PDE1A: variants seen among roughly 807,000 people sequenced by gnomAD.
PDE1A encodes the protein dual specificity calcium/calmodulin-dependent 3',5'-cyclic nucleotide phosphodiesterase 1A.
PDE1A carries 35 observed loss-of-function variants against 61.7 expected under a neutral mutation model. That is an observed-to-expected ratio of 0.57 (90% CI 0.43 to 0.75). The LOEUF is 0.75. Ranked by LOEUF, PDE1A falls within the 30% of genes least tolerant of loss-of-function variation. The pLI, the probability that PDE1A is intolerant of heterozygous loss-of-function variation, is 0.00. For synonymous variants in PDE1A, 232 were observed against 213.2 expected (o/e 1.09, Z -0.77); for missense variants, 597 against 630.6 (o/e 0.95, Z 0.57).
the PDE1A span, among the ~76,000 whole-genome samples, chr2:182,712,928 T>C: frequency 2.0e-5 from 3 of 152,266 alleles, no homozygotes. Context: ...GGCTTCCCAT[T>C]GCTCATAGGA....
the PDE1A span, among the ~76,000 whole-genome samples, chr2:182,673,879 A>G: frequency 6.6e-6 from 1 of 151,680 alleles, no homozygotes; most frequent in East Asian, 1.9e-4. Flanking sequence ...GATCACCCTA[A>G]AAAGTGGTCA....
intron 6 of PDE1A, among the ~76,000 whole-genome samples, chr2:182,225,849 T>C (rs1689099394): frequency 6.7e-6 from 1 of 149,962 alleles, no homozygotes; most frequent in Admixed American, 6.6e-5. Context: ...GCCTCACAAC[T>C]GGATGAGTGA....
chr2:182,687,526 C>T, the PDE1A span, among the ~76,000 whole-genome samples: 1 of 152,180 alleles, frequency 6.6e-6, no homozygotes, highest in African/African-American at 2.4e-5. Context: ...ACCAAAACCC[C>T]ATCTGTACGT....
chr2:182,659,271 T>A, the PDE1A span, among the ~76,000 whole-genome samples: 2 of 152,186 alleles, frequency 1.3e-5, no homozygotes, highest in Admixed American at 6.5e-5. Context: ...TAAGGAATAG[T>A]CTAAGTGTGA....
intron 1 of PDE1A, among the ~76,000 whole-genome samples, chr2:182,282,619 G>A (rs1693884255): frequency 6.6e-6 from 1 of 151,840 alleles, no homozygotes; most frequent in South Asian, 2.1e-4. Context: ...CCTAATATTG[G>A]AGATTTGTGT....
chr2:182,393,376 C>G (rs1427704937), intron 1 of PDE1A, among the ~76,000 whole-genome samples: 1 of 146,550 alleles, frequency 6.8e-6, no homozygotes, highest in Admixed American at 7.1e-5. Flanking sequence ...ACCCTACCCA[C>G]AGAACCTTTT....
At chr2:182,451,095 A>ATACAAATGCATAAAGTATTAGTATGCAT (rs1685482132) in intron 2 of PDE1A, among the ~76,000 whole-genome samples, 4 of 89,502 alleles carry the variant, frequency 4.5e-5, no homozygotes, top group Admixed American at 1.1e-4. Context: ...TATTTTAACT[A>ATACAAATGCATAAAGTATTAGTATGCAT]GGGCCGGGCG....
chr2:182,291,449 C>T (rs890641373), intron 1 of PDE1A, among the ~76,000 whole-genome samples: 2 of 152,118 alleles, frequency 1.3e-5, no homozygotes, highest in African/African-American at 4.8e-5. Flanking sequence ...GTGCATATCT[C>T]TTTTTTATAT....
At chr2:182,479,281 G>A (rs2125837634) in intron 2 of PDE1A, among the ~76,000 whole-genome samples, 1 of 151,972 alleles carries the variant, frequency 6.6e-6, no homozygotes, top group South Asian at 2.1e-4. Flanking sequence ...AAAGCAATAT[G>A]CCTGTCATTA....
chr2:182,389,253 G>A (rs1189934486), intron 1 of PDE1A, among the ~76,000 whole-genome samples: 1 of 152,026 alleles, frequency 6.6e-6, no homozygotes, highest in Non-Finnish European at 1.5e-5. Context: ...TTTAAGATTA[G>A]GAAACAAAGC....
chr2:182,623,915 G>A, the PDE1A span, among the ~76,000 whole-genome samples: 1 of 152,092 alleles, frequency 6.6e-6, no homozygotes, highest in Non-Finnish European at 1.5e-5. Flanking sequence ...CACGAGGTCA[G>A]GAGACCGAGA....
At chr2:182,502,165 C>T (rs1296963404) in intron 2 of PDE1A, among the ~76,000 whole-genome samples, 2 of 152,154 alleles carry the variant, frequency 1.3e-5, no homozygotes, top group African/African-American at 4.8e-5. Flanking sequence ...ATAAAAGTAA[C>T]CAGAGTTTTC....
downstream of PDE1A, among the ~76,000 whole-genome samples, chr2:182,145,480 C>T (rs2125258888): frequency 6.6e-6 from 1 of 152,292 alleles, no homozygotes; most frequent in Middle Eastern, 3.4e-3. Context: ...GTAATCCTAA[C>T]ACTTTGGGAG....
chr2:182,600,011 A>G, the PDE1A span, among the ~76,000 whole-genome samples: 1 of 152,212 alleles, frequency 6.6e-6, no homozygotes, highest in African/African-American at 2.4e-5. Context: ...TAGGAGCACA[A>G]TCCTACTCTA....
At chr2:182,223,771 T>C in intron 7 of PDE1A, 93 bp downstream of exon 7, 2 of 691,710 alleles carry the variant, frequency 2.9e-6, no homozygotes, top group Admixed American at 3.5e-5. Flanking sequence ...CTTATTAGAA[T>C]CTTTATTATT....
chr2:182,277,682 A>G (rs1693525163), intron 1 of PDE1A, among the ~76,000 whole-genome samples: 2 of 152,094 alleles, frequency 1.3e-5, no homozygotes, highest in Admixed American at 6.6e-5. Flanking sequence ...TTAATGGTCT[A>G]GATCCTTGCT....
Position 182,236,770 on chromosome 2 carries a change from G to A in PDE1A, c.351-2272C>T, listed in dbSNP as rs546281593. On this transcript the variant is annotated intron_variant, in intron 3 of 13. Transcript: ENST00000351439. ...CTTTAGAGCTCTCTGGCCTCAATGG[G>A]ACCTCTGATGCTACTGAGTTTCTTA... 4.6e-5 allele frequency among the ~76,000 whole-genome samples: 7 copies of A among 152,218 alleles called. No individual in the cohort carries two copies. The South Asian group carries it at 1.5e-3, about 32-fold the overall frequency.
chr2:182,615,249 A>G, the PDE1A span, among the ~76,000 whole-genome samples: 1 of 152,174 alleles, frequency 6.6e-6, no homozygotes, highest in Non-Finnish European at 1.5e-5. Flanking sequence ...TCAGACTCCA[A>G]TGAGTAATTT....
At chr2:182,356,094 C>T (rs1227145426) in intron 1 of PDE1A, among the ~76,000 whole-genome samples, 5 of 152,066 alleles carry the variant, frequency 3.3e-5, no homozygotes, top group Non-Finnish European at 7.4e-5. Context: ...TAATAAAAAA[C>T]AATTAAACTA....
Sources: allele counts gnomAD v4.1 joint callset (sites outside exome capture counted in the v4.1 genomes callset), GRCh38; gene constraint gnomAD v4.1.1; transcripts MANE v1.5; gene names NCBI Gene and HGNC (gene_info 2026-07-23, HGNC 2026-07-21).